FAM110B: variants seen among roughly 807,000 people sequenced by gnomAD.
The protein encoded by FAM110B is family with sequence similarity 110 member B.
FAM110B carries 6 observed loss-of-function variants against 20.4 expected under a neutral mutation model. That is an observed-to-expected ratio of 0.29 (90% CI 0.16 to 0.58). The LOEUF (loss-of-function observed/expected upper bound fraction) is 0.58, where lower values mean the gene tolerates loss of function less well. Ranked by LOEUF, FAM110B falls within the 20% of genes least tolerant of loss-of-function variation. The probability of loss-of-function intolerance (pLI) is 0.90; values close to 1 mark genes in which losing one functional copy is unlikely to be tolerated. For missense variants in FAM110B, 434 were observed against 498.2 expected, an observed-to-expected ratio of 0.87 and a Z score of 1.23; for synonymous variants, 226 against 214.1, an observed-to-expected ratio of 1.06 and a Z score of -0.49.
rs1369684904 is a variant in FAM110B at position 57,994,677 on chromosome 8, AC to A, written c.-640del. 1 of 150,762 alleles carries A rather than the reference AC, an allele frequency of 6.6e-6. No homozygotes were observed. Among genetic ancestry groups the A allele is most frequent in the Non-Finnish European group, 1.5e-5 (1 of 67,756 alleles). The allele number at this position is 150,762 out of a possible 1,614,324, so 9.3% of individuals were successfully genotyped here. A position where few individuals can be genotyped will look rare whatever the true frequency, so the allele number is the denominator to read the frequency against. On this transcript the variant is annotated 5_prime_UTR_variant, in exon 1 of 4. Transcript: ENST00000519262. ...CGGCCCCGCGGCGGCGACCGTGAAC[AC>A]TCGGCGGCCCCTACAGCCCGCTCTC... is the stretch of plus-strand genomic sequence containing the variant.
At chr8:58,016,469 A>C (rs1804638400) in intron 1 of FAM110B, among the ~76,000 whole-genome samples, 1 of 152,220 alleles carries the variant, frequency 6.6e-6, no homozygotes, top group Admixed American at 6.5e-5. Context: ...GCTCTGGCTC[A>C]GCTCTTTGAC....
intron 3 of FAM110B, among the ~76,000 whole-genome samples, chr8:58,116,627 G>A (rs78575821): frequency 0.05 from 7,644 of 152,110 alleles, 329 homozygotes; most frequent in East Asian, 0.2. Flanking sequence ...GATATATTTC[G>A]TAATACTTTT....
At chr8:58,076,806 G>C (rs1806048318) in intron 3 of FAM110B, among the ~76,000 whole-genome samples, 1 of 152,192 alleles carries the variant, frequency 6.6e-6, no homozygotes, top group Non-Finnish European at 1.5e-5. Context: ...CATTCTGAGT[G>C]GCCCCATGCT....
intron 2 of FAM110B, among the ~76,000 whole-genome samples, chr8:58,038,010 T>A (rs979188738): frequency 6.6e-6 from 1 of 152,192 alleles, no homozygotes; most frequent in African/African-American, 2.4e-5. Context: ...GGGTTTGAAA[T>A]GCAAGATGTA....
intron 3 of FAM110B, among the ~76,000 whole-genome samples, chr8:58,095,600 G>A (rs1438826289): frequency 6.6e-6 from 1 of 152,204 alleles, no homozygotes; most frequent in Non-Finnish European, 1.5e-5. Context: ...TGTGGTTTGA[G>A]AGACTGTTTG....
Position 58,144,670 on chromosome 8 carries a change from T to C in FAM110B, c.-324-1237T>C, listed in dbSNP as rs114974461. Among the ~76,000 whole-genome samples the C allele has an allele frequency of 9.0e-3, 1,371 of 152,360 alleles. 22 individuals carry two copies. The highest frequency in any genetic ancestry group is 0.03 in the African/African-American group (1,268 of 41,586). ...CTTTATTTATTTTGTAAATTAGTTA[T>C]TTGGCATGTTAGTTGAATAGGTTAC... On this transcript the variant is annotated intron_variant, in intron 3 of 3. Coordinates refer to ENST00000519262, the MANE Select transcript of FAM110B (RefSeq NM_001377989.1).
Position 58,052,494 on chromosome 8 carries a change from G to A in FAM110B, c.-414+20791G>A, listed in dbSNP as rs142466256. ...TATTTATTGAACCAGGCACTGTTCC[G>A]CAGACTGGGGATATAGCAGGAAACA... On this transcript the variant is annotated intron_variant, in intron 2 of 3. Transcript: ENST00000519262. Among the ~76,000 whole-genome samples, 438 of 151,998 alleles carry A rather than the reference G, an allele frequency of 2.9e-3. 4 individuals are homozygous for A. Among genetic ancestry groups the A allele is most frequent in the African/African-American group, 9.8e-3 (406 of 41,434 alleles).
At chr8:58,006,302 C>G (rs1167435358) in intron 1 of FAM110B, among the ~76,000 whole-genome samples, 2 of 152,204 alleles carry the variant, frequency 1.3e-5, no homozygotes, top group East Asian at 1.9e-4. Flanking sequence ...TTAGAATGCT[C>G]TGGACTTTCC....
In FAM110B at chr8:58,147,414, G is replaced by A; in HGVS notation, c.*71G>A. ...GTTGTGAAGGTTGTGAGGTCTCCTT[G>A]AAGTGTTGTGAGCTTCTCCACTCTT... On this transcript the variant is annotated 3_prime_UTR_variant, in exon 4 of 4. Coordinates refer to ENST00000519262, the MANE Select transcript of FAM110B (RefSeq NM_001377989.1). 1 of 1,519,848 alleles carries A rather than the reference G, an allele frequency of 6.6e-7. No individual in the cohort carries two copies. The highest frequency in any genetic ancestry group is 1.3e-5 in the South Asian group (1 of 77,514). The allele number at this position is 1,519,848 out of a possible 1,614,324, so 94.1% of individuals were successfully genotyped here.
intron 1 of FAM110B, among the ~76,000 whole-genome samples, chr8:58,011,659 GAA>G (rs1250884979): frequency 6.6e-6 from 1 of 152,148 alleles, no homozygotes; most frequent in African/African-American, 2.4e-5. Flanking sequence ...TTTGAAGAAA[GAA>G]AGAGAACCTT....
intron 3 of FAM110B, among the ~76,000 whole-genome samples, chr8:58,090,995 C>G (rs891082297): frequency 6.6e-5 from 10 of 152,192 alleles, no homozygotes; most frequent in Non-Finnish European, 1.3e-4. Flanking sequence ...TTGGATTTCT[C>G]ACTGAATCCT....
At position 58,147,686 on chromosome 8, in the gene FAM110B, G is replaced by A. The variant is rs77511139; in HGVS notation, c.*343G>A. ...CCGCGCTATTGTGTCTTAATTAAAAGTTTTATCAACTGGCTTTTAAGTTGA... is the reference window on the plus strand; with the variant it reads ...CCGCGCTATTGTGTCTTAATTAAAAATTTTATCAACTGGCTTTTAAGTTGA... On this transcript the variant is annotated 3_prime_UTR_variant, in exon 4 of 4. Transcript: ENST00000519262. 4.8e-3 allele frequency: 1,079 copies of A among 225,004 alleles called. 4 individuals carry two copies. Among genetic ancestry groups the A allele is most frequent in the Admixed American group, 0.01 (196 of 19,108 alleles). The allele number at this position is 225,004 out of a possible 1,614,324, so 13.9% of individuals were successfully genotyped here. A position where few individuals can be genotyped will look rare whatever the true frequency, so the allele number is the denominator to read the frequency against.
At chr8:58,057,261 G>A (rs1331586826) in intron 2 of FAM110B, among the ~76,000 whole-genome samples, 1 of 152,116 alleles carries the variant, frequency 6.6e-6, no homozygotes. Flanking sequence ...CCTGGCTGGG[G>A]CCCCTCGAGC....
chr8:58,005,952 T>A (rs1331539596), intron 1 of FAM110B, among the ~76,000 whole-genome samples: 1 of 152,228 alleles, frequency 6.6e-6, no homozygotes, highest in Admixed American at 6.5e-5. Context: ...AACGTGGTGA[T>A]ATCAGGAAGG....
At position 58,099,296 on chromosome 8, in the gene FAM110B, C is replaced by G. The variant is rs371566915; in HGVS notation, c.-325+23673C>G. On this transcript the variant is annotated intron_variant, in intron 3 of 3. Coordinates refer to ENST00000519262, the MANE Select transcript of FAM110B (RefSeq NM_001377989.1). ...TTCAAAATCTGAAACTTGATGAGCA[C>G]CCAAATGCCGCTCAAAGGCAATGCT... 3.3e-5 allele frequency among the ~76,000 whole-genome samples: 5 copies of G among 151,936 alleles called. 1 individual carries two copies. Among genetic ancestry groups the G allele is most frequent in the Admixed American group, 6.6e-5 (1 of 15,246 alleles).
At chr8:58,069,342 C>G (rs1805840022) in intron 2 of FAM110B, among the ~76,000 whole-genome samples, 1 of 152,206 alleles carries the variant, frequency 6.6e-6, no homozygotes, top group African/African-American at 2.4e-5. Flanking sequence ...TTGGCAGTAA[C>G]TCTTCGAGGT....
chr8:58,097,037 G>A (rs780798781), intron 3 of FAM110B, among the ~76,000 whole-genome samples: 4 of 152,096 alleles, frequency 2.6e-5, no homozygotes, highest in Admixed American at 6.6e-5. Flanking sequence ...CGCTCTTCTC[G>A]AGGAGTATCT....
intron 3 of FAM110B, among the ~76,000 whole-genome samples, chr8:58,138,331 T>C (rs1403624221): frequency 6.6e-6 from 1 of 152,212 alleles, no homozygotes; most frequent in African/African-American, 2.4e-5. Context: ...TTGAGAATAC[T>C]CCTAGACCAC....
chr8:58,144,724 G>T (rs941491547), intron 3 of FAM110B, among the ~76,000 whole-genome samples: 2 of 152,204 alleles, frequency 1.3e-5, no homozygotes, highest in African/African-American at 4.8e-5. Context: ...TATAACCAAA[G>T]ATGCTGTTAA....
Sources: allele counts gnomAD v4.1 joint callset (sites outside exome capture counted in the v4.1 genomes callset), GRCh38; gene constraint gnomAD v4.1.1; transcripts MANE v1.5; gene names NCBI Gene and HGNC (gene_info 2026-07-23, HGNC 2026-07-21).